PPP1R12A: variants seen among roughly 807,000 people sequenced by gnomAD.
PPP1R12A encodes the protein myosin binding subunit.
In PPP1R12A, 19 loss-of-function variants were observed where a neutral mutation model predicts 139.6. The ratio of observed to expected loss-of-function variants is 0.14; its 90% CI spans 0.09 to 0.20. The LOEUF (loss-of-function observed/expected upper bound fraction) is 0.20. Among genes scored for constraint, PPP1R12A ranks in the 10% least tolerant of loss-of-function variants. PPP1R12A has a pLI of 1.00. For missense variants in PPP1R12A, 925 were observed against 1,211.5 expected (o/e 0.76, Z 3.51); for synonymous variants, 427 against 420.6 (o/e 1.02, Z -0.19).
intron 1 of PPP1R12A, among the ~76,000 whole-genome samples, chr12:79,930,769 T>C (rs1016458035): frequency 6.6e-6 from 1 of 151,312 alleles, no homozygotes; most frequent in South Asian, 2.1e-4. Flanking sequence ...CAAAACTCCA[T>C]CTCAAAAAAA....
chr12:79,934,775 T>C lies in PPP1R12A; in HGVS notation c.157A>G (p.Thr53Ala), dbSNP rs749719016. ...TGCAGCAGCTTGAGGACCTCGTCCG[T>C]GTCGCCGCTGGAGCAAGCAGCCAGG... ...VFLAACSSGD[T>A]DEVLKLLHRG... The change falls in exon 1 of 25, where the codon ACG becomes GCG. Residue 53 changes from threonine (T) to alanine (A), a missense_variant. Physicochemically the swap from Thr to Ala is moderately conservative, Grantham distance 58. This residue lies in a region of PPP1R12A where 199 missense variants were observed against 352.4 expected (regional missense o/e 0.56). Coordinates refer to ENST00000450142, the MANE Select transcript of PPP1R12A (RefSeq NM_002480.3). 9.0e-6 allele frequency: 14 copies of C among 1,554,850 alleles called. No individual in the cohort carries two copies. Among genetic ancestry groups the C allele is most frequent in the Middle Eastern group, 1.7e-4 (1 of 5,972 alleles).
intron 21 of PPP1R12A, 60 bp downstream of exon 21, chr12:79,788,588 A>G: frequency 7.1e-7 from 1 of 1,414,006 alleles, no homozygotes; most frequent in Non-Finnish European, 9.5e-7. Flanking sequence ...ATAATATTTG[A>G]ATGAGTATCT....
rs999917854 is a variant in PPP1R12A, at chr12:79,777,641, T to G, written c.3006+909A>C. The G allele has an allele frequency of 1.3e-5, 13 of 984,648 alleles. No individual in the cohort carries two copies. In the African/African-American group the frequency reaches 2.1e-4, roughly 16 times the overall value. 61.0% of individuals were successfully genotyped at this position (984,648 alleles called of 1,614,324 possible). A position where few individuals can be genotyped will look rare whatever the true frequency, so the allele number is the denominator to read the frequency against. ...CCCTCAGAGATTGAATTTGCTTTAT[T>G]TGGTGCAGGTTCTGCAGGAATCAGA... On this transcript the variant is annotated intron_variant, in intron 24 of 24. Transcript: ENST00000450142.
intron 22 of PPP1R12A, 69 bp from the exon 23 acceptor site, chr12:79,781,931 C>T: frequency 1.2e-6 from 1 of 844,452 alleles, no homozygotes; most frequent in Non-Finnish European, 1.9e-6. Context: ...CAGTAATTCT[C>T]TTTTAATAGG....
At chr12:79,924,643 A>G (rs1887695012) in intron 1 of PPP1R12A, among the ~76,000 whole-genome samples, 2 of 152,164 alleles carry the variant, frequency 1.3e-5, no homozygotes, top group African/African-American at 2.4e-5. Flanking sequence ...TGCCCAAGCC[A>G]GTTTTGAACT....
At chr12:79,833,878 G>A (rs1592686579) in intron 3 of PPP1R12A, among the ~76,000 whole-genome samples, 2 of 146,938 alleles carry the variant, frequency 1.4e-5, no homozygotes, top group South Asian at 4.3e-4. Flanking sequence ...AGTACAGGGA[G>A]ATCAGTAAAT....
rs1016367253 is a variant in PPP1R12A at position 79,924,901 on chromosome 12, G to A, written c.237+9794C>T. Among the ~76,000 whole-genome samples, 3 of 152,034 alleles carry A rather than the reference G, an allele frequency of 2.0e-5. No homozygotes were observed. In the East Asian group the frequency reaches 5.8e-4, roughly 29 times the overall value. The stretch of plus-strand genomic sequence containing the variant: ...ACGTAAAGAGTTAACTTAAATCCAA[G>A]GTGACATTTATGATCATATTCCAGT... On this transcript the variant is annotated intron_variant, in intron 1 of 24. Coordinates refer to ENST00000450142, the MANE Select transcript of PPP1R12A (RefSeq NM_002480.3).
chr12:79,798,399 A>G (rs773868660), intron 15 of PPP1R12A, 95 bp downstream of exon 15: 3 of 770,426 alleles, frequency 3.9e-6, no homozygotes, highest in Non-Finnish European at 3.9e-6. Context: ...CAACAAAGTG[A>G]AAAAGAGAAA....
chr12:79,784,066 A>G (rs184832246), intron 22 of PPP1R12A, among the ~76,000 whole-genome samples: 1 of 152,260 alleles, frequency 6.6e-6, no homozygotes, highest in African/African-American at 2.4e-5. Flanking sequence ...TTCAAGATTA[A>G]TTTCATGCAA....
At chr12:79,777,874 A>G (rs1424640562) in intron 24 of PPP1R12A, among the ~76,000 whole-genome samples, 1 of 152,196 alleles carries the variant, frequency 6.6e-6, no homozygotes, top group East Asian at 1.9e-4. Context: ...AAGCCATTCA[A>G]TAATGGTCTA....
intron 1 of PPP1R12A, among the ~76,000 whole-genome samples, chr12:79,921,001 G>C (rs1887392729): frequency 6.6e-6 from 1 of 152,062 alleles, no homozygotes. Flanking sequence ...TCTCATTGTG[G>C]GTTTGATTTG....
In PPP1R12A at chr12:79,774,415, C is replaced by T. The variant is rs1592592038; in HGVS notation, c.*1514G>A. ...TTTAAAATGAAGGGGTACAAATTCACATTTAATATAGTATACAATACAATC... is the reference window on the plus strand; with the variant it reads ...TTTAAAATGAAGGGGTACAAATTCATATTTAATATAGTATACAATACAATC... On this transcript the variant is annotated 3_prime_UTR_variant, in exon 25 of 25. Coordinates refer to ENST00000450142, the MANE Select transcript of PPP1R12A (RefSeq NM_002480.3). 3.3e-5 allele frequency: 5 copies of T among 152,636 alleles called. No individual in the cohort carries two copies. The highest frequency in any genetic ancestry group is 1.2e-4 in the African/African-American group (5 of 41,546). The allele number at this position is 152,636 out of a possible 1,614,324, so 9.5% of individuals were successfully genotyped here. A position where few individuals can be genotyped will look rare whatever the true frequency, so the allele number is the denominator to read the frequency against.
At chr12:79,932,825 G>A (rs1888350975) in intron 1 of PPP1R12A, among the ~76,000 whole-genome samples, 1 of 152,038 alleles carries the variant, frequency 6.6e-6, no homozygotes, top group African/African-American at 2.4e-5. Context: ...AAAACTTTTC[G>A]TCTTCCTCTA....
intron 24 of PPP1R12A, chr12:79,777,678 T>C (rs935669381): frequency 1.7e-5 from 16 of 969,008 alleles, no homozygotes; most frequent in South Asian, 4.8e-5. Flanking sequence ...CATAAAGAAA[T>C]AGGAATAAAA....
At chr12:79,893,235 T>G (rs1355100560) in intron 1 of PPP1R12A, among the ~76,000 whole-genome samples, 16 of 152,162 alleles carry the variant, frequency 1.1e-4, no homozygotes, top group Admixed American at 9.2e-4. Context: ...ATTTAGTCTT[T>G]TACACCTTAA....
At chr12:79,897,504 T>C (rs528785809) in intron 1 of PPP1R12A, among the ~76,000 whole-genome samples, 2 of 152,172 alleles carry the variant, frequency 1.3e-5, no homozygotes, top group South Asian at 4.2e-4. Flanking sequence ...CCTGCACATG[T>C]ACCCTCTAAA....
At chr12:79,790,323 G>T (rs1871679593) in intron 20 of PPP1R12A, 144 bp downstream of exon 20, 1 of 513,162 alleles carries the variant, frequency 1.9e-6, no homozygotes, top group Non-Finnish European at 3.3e-6. Flanking sequence ...AAGAAAGCTA[G>T]TAACAATGAT....
rs554621277 is a variant in PPP1R12A, at chr12:79,876,935, C to T, written c.238-3997G>A. Among the ~76,000 whole-genome samples the T allele has an allele frequency of 9.2e-5, 14 of 152,076 alleles. No homozygotes were observed. The East Asian group carries it at 1.9e-3, about 21-fold the overall frequency. ...CTGAGACAGGAGAACCGCTTGACCC[C>T]GGGAGGCAGAGGTTGCAATGAGCCG... On this transcript the variant is annotated intron_variant, in intron 1 of 24. Coordinates refer to ENST00000450142, the MANE Select transcript of PPP1R12A (RefSeq NM_002480.3).
intron 5 of PPP1R12A, among the ~76,000 whole-genome samples, chr12:79,823,627 T>C (rs1330334610): frequency 6.6e-6 from 1 of 150,832 alleles, no homozygotes; most frequent in Non-Finnish European, 1.5e-5. Context: ...AGGATCTTGC[T>C]CTGTTACCAA....
Sources: gnomAD v4.1 joint callset for allele counts (sites outside exome capture counted in the v4.1 genomes callset) on GRCh38, gnomAD v4.1.1 for gene constraint, gnomAD v4.1.1 regional missense constraint, MANE v1.5 for transcripts, NCBI Gene and HGNC (gene_info 2026-07-23, HGNC 2026-07-21) for gene names.